The following STK35 variants were observed in gnomAD, a reference collection of about 807,000 sequenced individuals.
The protein encoded by STK35 is serine/threonine kinase 35, also known as serine/threonine-protein kinase 35.
In STK35, 17 loss-of-function variants were observed where a neutral mutation model predicts 37.3. That is an observed-to-expected ratio of 0.46 (90% CI 0.31 to 0.68). The LOEUF is 0.68. STK35 is among the 30% of genes least tolerant of loss of function. The pLI is 0.05. For synonymous variants in STK35, 385 were observed against 319.1 expected (o/e 1.21, Z -2.20); for missense variants, 595 against 746.7 (o/e 0.80, Z 2.37).
At chr20:2,136,970 G>T (rs1000374190) in intron 3 of STK35, among the ~76,000 whole-genome samples, 1 of 152,210 alleles carries the variant, frequency 6.6e-6, no homozygotes, top group Admixed American at 6.5e-5. Flanking sequence ...TGACAGATAG[G>T]GGGTGGGAGT....
intron 3 of STK35, among the ~76,000 whole-genome samples, chr20:2,123,276 G>C (rs2068447): frequency 0.45 from 68,121 of 152,036 alleles, 16,221 homozygotes; most frequent in East Asian, 0.94. Flanking sequence ...TTCTATATGA[G>C]ATCTTGGTAG....
At chr20:2,133,235 G>A (rs1482986946) in intron 3 of STK35, among the ~76,000 whole-genome samples, 2 of 152,184 alleles carry the variant, frequency 1.3e-5, no homozygotes, top group African/African-American at 4.8e-5. Flanking sequence ...ATATGGAAGA[G>A]TGACCGTTCC....
intron 2 of STK35, among the ~76,000 whole-genome samples, chr20:2,107,116 C>T (rs897062471): frequency 6.6e-6 from 1 of 152,174 alleles, no homozygotes; most frequent in Admixed American, 6.5e-5. Context: ...TTTTCCATTG[C>T]GAGAATGCCT....
chr20:2,138,807 C>T (rs1394705423), intron 3 of STK35, among the ~76,000 whole-genome samples: 6 of 152,064 alleles, frequency 3.9e-5, no homozygotes, highest in South Asian at 4.1e-4. Context: ...ATTGCATGAG[C>T]GAAGCCAGGA....
At chr20:2,123,969 C>T (rs1985862685) in intron 3 of STK35, among the ~76,000 whole-genome samples, 2 of 152,178 alleles carry the variant, frequency 1.3e-5, no homozygotes, top group African/African-American at 2.4e-5. Context: ...GGGCTGAGTG[C>T]TTTATGACTG....
chr20:2,115,433 C>T (rs1985696846), intron 2 of STK35, among the ~76,000 whole-genome samples: 2 of 152,280 alleles, frequency 1.3e-5, no homozygotes, highest in East Asian at 1.9e-4. Context: ...GAGGACTTCT[C>T]TTCAGGTCCT....
intron 3 of STK35, among the ~76,000 whole-genome samples, chr20:2,123,893 T>C (rs895576866): frequency 5.3e-5 from 8 of 151,770 alleles, no homozygotes; most frequent in African/African-American, 1.9e-4. Flanking sequence ...GCCTGAGGGG[T>C]TAGGCTGTGA....
intron 2 of STK35, among the ~76,000 whole-genome samples, chr20:2,111,977 G>A (rs747586953): frequency 2.0e-5 from 3 of 152,124 alleles, no homozygotes; most frequent in Non-Finnish European, 4.4e-5. Flanking sequence ...ATCCGGGCCC[G>A]CTTCCTAGTT....
intron 2 of STK35, among the ~76,000 whole-genome samples, chr20:2,115,167 A>T (rs2122551454): frequency 6.6e-6 from 1 of 152,322 alleles, no homozygotes; most frequent in East Asian, 1.9e-4. Flanking sequence ...GGGCTATCCG[A>T]TTGTGATCAA....
In STK35 at chr20:2,117,232, G is replaced by C. The variant is rs200810305; in HGVS notation, c.1459G>C (p.Glu487Gln). ...GEALLENPKM[E>Q]LHIPQKRRTS... ...GGCGCTGCTAGAAAACCCAAAGATG[G>C]AGTTGCACATCCCCCAAAAACGCAG... The change falls in exon 3 of 4, where the codon GAG (glutamate) becomes CAG (glutamine). Residue 487 changes from glutamate to glutamine, a missense_variant. This residue lies in a region of STK35 where 109 missense variants were observed against 280.3 expected (regional missense o/e 0.39). Transcript: ENST00000381482. This position sits in a 1 kb window ranked among gnomAD's most constrained non-coding sequence, Gnocchi z 4.4. 4.3e-6 allele frequency: 7 copies of C among 1,614,128 alleles called. No individual in the cohort carries two copies. Among genetic ancestry groups the C allele is most frequent in the Non-Finnish European group, 5.1e-6 (6 of 1,180,028 alleles).
chr20:2,114,290 G>A (rs1985673929), intron 2 of STK35, among the ~76,000 whole-genome samples: 1 of 152,014 alleles, frequency 6.6e-6, no homozygotes, highest in Non-Finnish European at 1.5e-5. Context: ...TGGGACTATT[G>A]AGGCCACTGC....
rs1459297431 is a variant in STK35, at chr20:2,117,530, C to T, written c.*37+115C>T. The T allele has an allele frequency of 1.9e-5, 11 of 581,212 alleles. No homozygotes were observed. The South Asian group carries it at 2.6e-4, about 14-fold the overall frequency. 36.0% of individuals were successfully genotyped at this position (581,212 alleles called of 1,614,324 possible). The stretch of plus-strand genomic sequence containing the variant: ...CAGGATCTCAGCTCACTGCAACCTC[C>T]ACCTCCCGAGTTCAAGTGATTCTCG... On this transcript the variant is annotated intron_variant, in intron 3 of 3. Coordinates refer to ENST00000381482, the MANE Select transcript of STK35 (RefSeq NM_080836.4). The surrounding 1 kb of genome is among the most constrained non-coding windows in gnomAD (Gnocchi z 4.4).
intron 3 of STK35, among the ~76,000 whole-genome samples, chr20:2,139,028 AG>A (rs1198382904): frequency 6.6e-6 from 1 of 152,168 alleles, no homozygotes; most frequent in Admixed American, 6.5e-5. Flanking sequence ...CCTGTGTCTT[AG>A]AAAAGAAAGC....
At chr20:2,113,420 AAGAT>A (rs1482497997) in intron 2 of STK35, among the ~76,000 whole-genome samples, 1 of 152,228 alleles carries the variant, frequency 6.6e-6, no homozygotes, top group Non-Finnish European at 1.5e-5. Flanking sequence ...AAGTGAGTAT[AAGAT>A]AGACTGGTGT....
chr20:2,133,034 T>C (rs932076782), intron 3 of STK35, among the ~76,000 whole-genome samples: 1 of 152,254 alleles, frequency 6.6e-6, no homozygotes, highest in Non-Finnish European at 1.5e-5. Context: ...TTCACTTTGC[T>C]TCTCACTAAC....
intron 3 of STK35, among the ~76,000 whole-genome samples, chr20:2,143,014 G>A (rs982914812): frequency 1.3e-5 from 2 of 152,198 alleles, no homozygotes; most frequent in Non-Finnish European, 2.9e-5. Flanking sequence ...ATAGGATCAG[G>A]CACTCTTCTT....
intron 2 of STK35, among the ~76,000 whole-genome samples, chr20:2,106,782 C>A (rs1985523915): frequency 6.6e-6 from 1 of 152,194 alleles, no homozygotes; most frequent in Admixed American, 6.5e-5. Context: ...TTGTCTCCTT[C>A]CATTCTGTGC....
intron 3 of STK35, among the ~76,000 whole-genome samples, chr20:2,136,397 G>T (rs577159260): frequency 1.3e-5 from 2 of 152,332 alleles, no homozygotes; most frequent in East Asian, 3.9e-4. Flanking sequence ...GCACCCTGTA[G>T]CATGGTAGAA....
chr20:2,101,949 G>C lies in STK35; in HGVS notation c.68G>C (p.Cys23Ser). 3 of 1,517,756 alleles carry C rather than the reference G, an allele frequency of 2.0e-6. No individual in the cohort carries two copies. Among genetic ancestry groups the C allele is most frequent in the Non-Finnish European group, 2.6e-6 (3 of 1,134,560 alleles). 94.0% of individuals were successfully genotyped at this position (1,517,756 alleles called of 1,614,324 possible). Residue 23 changes from cysteine to serine, a missense_variant, in exon 1 of 4, where the codon TGT becomes TCT. This residue lies in a region of STK35 where 389 missense variants were observed against 320.0 expected (regional missense o/e 1.22). Transcript: ENST00000381482. ...GGTGCAGCTTATGTAAAGAGGTTATGTAAAGGGCTCAGCTGGCGCGAACAC... is the reference window on the plus strand; with the variant it reads ...GGTGCAGCTTATGTAAAGAGGTTATCTAAAGGGCTCAGCTGGCGCGAACAC... ...AGGAAYVKRL[C>S]KGLSWREHVE...
Sources: gnomAD v4.1 joint callset for allele counts (sites outside exome capture counted in the v4.1 genomes callset) on GRCh38, gnomAD v4.1.1 for gene constraint, gnomAD v4.1.1 regional missense constraint, Gnocchi (gnomAD v3.1) non-coding constraint, MANE v1.5 for transcripts, NCBI Gene and HGNC (gene_info 2026-07-23, HGNC 2026-07-21) for gene names.